Variants in ATP13A2 observed in about 807,000 individuals in gnomAD.
ATP13A2 encodes the protein ATPase cation transporting 13A2, also known as polyamine-transporting ATPase 13A2.
A neutral mutation model predicts 138.3 loss-of-function variants in ATP13A2; 83 were observed. That is an observed-to-expected ratio of 0.60 (90% CI 0.50 to 0.72). The LOEUF (loss-of-function observed/expected upper bound fraction) is 0.72, where lower values mean the gene tolerates loss of function less well. Ranked by LOEUF, ATP13A2 falls within the 30% of genes least tolerant of loss-of-function variation. The probability of loss-of-function intolerance (pLI) is 0.00; values close to 1 mark genes in which losing one functional copy is unlikely to be tolerated. For synonymous variants in ATP13A2, 663 were observed against 699.0 expected (o/e 0.95, Z 0.81); for missense variants, 1,402 against 1,606.4 (o/e 0.87, Z 2.17).
chr1:16,992,178 G>A (rs747299945), intron 18 of ATP13A2, 49 bp from the exon 19 acceptor site: 8 of 1,611,550 alleles, frequency 5.0e-6, no homozygotes, highest in Non-Finnish European at 6.8e-6. Context: ...AGGGACAGAG[G>A]CTGGGTACCC....
At chr1:16,994,756 G>A (rs577022178) in intron 15 of ATP13A2, among the ~76,000 whole-genome samples, 8 of 152,066 alleles carry the variant, frequency 5.3e-5, no homozygotes, top group South Asian at 2.1e-4. Context: ...TCTGCCTCCC[G>A]GGTTCAAGCG....
intron 25 of ATP13A2, among the ~76,000 whole-genome samples, chr1:16,987,512 G>T (rs1055477198): frequency 6.6e-6 from 1 of 152,168 alleles, no homozygotes; most frequent in Non-Finnish European, 1.5e-5. Context: ...CTGAGGGGAG[G>T]TTTCCCTCCC....
intron 11 of ATP13A2, among the ~76,000 whole-genome samples, chr1:16,997,415 G>GGC (rs1316094698): frequency 4.2e-5 from 5 of 120,000 alleles, no homozygotes; most frequent in African/African-American, 1.9e-4. Flanking sequence ...TGGAACCAGC[G>GGC]GGGGGGGGTG....
chr1:16,989,887 C>A lies in ATP13A2; in HGVS notation c.2529G>T (p.Lys843Asn). 1 of 1,606,052 alleles carries A rather than the reference C, an allele frequency of 6.2e-7. No homozygotes were observed. The highest frequency in any genetic ancestry group is 8.5e-7 in the Non-Finnish European group (1 of 1,176,076). The change falls in exon 22 of 29, where the codon AAG becomes AAT. Residue 843 changes from lysine to asparagine, a missense_variant and splice_region_variant. Physicochemically the swap from Lys to Asn is moderately conservative, Grantham distance 94. Transcript: ENST00000326735. Reference protein sequence around the residue: ...IVKHFPKLLPKVLVQGTVFAR... With the variant: ...IVKHFPKLLPNVLVQGTVFAR... ...GCCAGGGAGCTGGGGGCGGCCCTACCTTGGGCAGCAGCTTGGGGAAGTGCT... is the reference window on the plus strand; with the variant it reads ...GCCAGGGAGCTGGGGGCGGCCCTACATTGGGCAGCAGCTTGGGGAAGTGCT...
chr1:16,987,272 G>A lies in ATP13A2; in HGVS notation c.2860-3C>T. 6.2e-7 allele frequency: 1 copy of A among 1,613,452 alleles called. No individual in the cohort carries two copies. Reference sequence around the variant, plus strand: ...AGGTCACCCAGGTTGGTGTTGATCTGCCACAGGGAAGGGAGGACAGAGGGG... The same window carrying A: ...AGGTCACCCAGGTTGGTGTTGATCTACCACAGGGAAGGGAGGACAGAGGGG... On this transcript the variant is annotated splice_polypyrimidine_tract_variant and splice_region_variant and intron_variant, in intron 25 of 28. Coordinates refer to ENST00000326735, the MANE Select transcript of ATP13A2 (RefSeq NM_022089.4).
In ATP13A2 at chr1:17,004,775, C is replaced by T. The variant is rs200934541; in HGVS notation, c.394G>A (p.Ala132Thr). The T allele has an allele frequency of 9.3e-6, 15 of 1,614,048 alleles. No individual in the cohort carries two copies. The highest frequency in any genetic ancestry group is 1.6e-4 in the Middle Eastern group (1 of 6,062). Residue 132 changes from alanine (A) to threonine (T), a missense_variant, in exon 5 of 29, where the codon GCG (alanine) becomes ACG (threonine). Physicochemically the swap from Ala to Thr is moderately conservative, Grantham distance 58 (BLOSUM62 0). Transcript: ENST00000326735. This position sits in a 1 kb window ranked among gnomAD's most constrained non-coding sequence, Gnocchi z 4.1. ...CCCTCTGGTACCGCCCCAACTGCCGCCTGGCTCCGGCCATCCTCTGCCTGG... is the reference window on the plus strand; with the variant it reads ...CCCTCTGGTACCGCCCCAACTGCCGTCTGGCTCCGGCCATCCTCTGCCTGG... The part of the protein sequence containing the change: ...QSQAEDGRSQ[A>T]AVGAVPEGAW...
intron 20 of ATP13A2, 42 bp from the exon 21 acceptor site, chr1:16,990,329 G>A: frequency 6.2e-7 from 1 of 1,611,930 alleles, no homozygotes; most frequent in Non-Finnish European, 8.5e-7. Context: ...GGCTATCCGG[G>A]GAGGCCATCC....
Position 16,997,190 on chromosome 1 carries a change from G to A in ATP13A2, c.1040-15C>T. 1 of 1,613,194 alleles carries A rather than the reference G, an allele frequency of 6.2e-7. No individual in the cohort carries two copies. The highest frequency in any genetic ancestry group is 1.7e-5 in the Admixed American group (1 of 60,036). ...AATGCTCTCTCCTGGTGGGGAACGTGGTGTGAGGACCACTCCACACCCCTC... is the reference window on the plus strand; with the variant it reads ...AATGCTCTCTCCTGGTGGGGAACGTAGTGTGAGGACCACTCCACACCCCTC... On this transcript the variant is annotated splice_polypyrimidine_tract_variant and intron_variant, in intron 11 of 28. Coordinates refer to ENST00000326735, the MANE Select transcript of ATP13A2 (RefSeq NM_022089.4).
chr1:17,001,858 G>A (rs988070005), intron 8 of ATP13A2, among the ~76,000 whole-genome samples, 176 bp downstream of exon 8: 8 of 152,196 alleles, frequency 5.3e-5, no homozygotes, highest in African/African-American at 1.7e-4. Flanking sequence ...TCCAATTCCT[G>A]GACCTGGTCT....
chr1:17,008,969 A>C (rs555878856), intron 1 of ATP13A2, among the ~76,000 whole-genome samples: 17 of 151,316 alleles, frequency 1.1e-4, no homozygotes, highest in Admixed American at 2.0e-4. Flanking sequence ...AAAAAAAAAA[A>C]AAAAACCCTC....
At position 16,987,210 on chromosome 1, in the gene ATP13A2, T is replaced by C. The variant is rs149403933; in HGVS notation, c.2919A>G (p.Thr973=). The C allele has an allele frequency of 6.8e-6, 11 of 1,613,730 alleles. No homozygotes were observed. Among genetic ancestry groups the C allele is most frequent in the Non-Finnish European group, 9.3e-6 (11 of 1,179,846 alleles). Residue 973 remains threonine (T), a synonymous_variant, in exon 26 of 29, where the codon ACA becomes ACG. Transcript: ENST00000326735. ...CCGTGCGGCTCATGAGCACTGCCAC[T>C]GTGGTGGTGATGACCAGGTCGATGG... ...FLAIDLVITT[T]VAVLMSRTGP...
chr1:16,999,869 C>T, intron 11 of ATP13A2, 142 bp downstream of exon 11: 3 of 1,228,916 alleles, frequency 2.4e-6, no homozygotes, highest in Non-Finnish European at 3.3e-6. Context: ...TCACTGCACT[C>T]CAGCCTGGAC....
Position 17,004,921 on chromosome 1 carries a change from A to G in ATP13A2, c.347+93T>C. On this transcript the variant is annotated intron_variant, in intron 4 of 28. Transcript: ENST00000326735. The surrounding 1 kb of genome is among the most constrained non-coding windows in gnomAD (Gnocchi z 4.1). ...TTCCCTCCCTAGGATGGGAGGCGCC[A>G]GAGTCAGCCTTTATGGGGGGGCCGA... is the stretch of plus-strand genomic sequence containing the variant. 1 of 1,612,122 alleles carries G rather than the reference A, an allele frequency of 6.2e-7. No homozygotes were observed. The highest frequency in any genetic ancestry group is 8.5e-7 in the Non-Finnish European group (1 of 1,179,394).
At position 16,989,729 on chromosome 1, in the gene ATP13A2, C is replaced by T; in HGVS notation, c.2571G>A (p.Glu857=). 1.2e-6 allele frequency: 2 copies of T among 1,614,118 alleles called. No individual in the cohort carries two copies. The highest frequency in any genetic ancestry group is 1.6e-4 in the Middle Eastern group (1 of 6,062). The change falls in exon 23 of 29, where the codon GAG becomes GAA. Residue 857 remains glutamate (E), a synonymous_variant. Coordinates refer to ENST00000326735, the MANE Select transcript of ATP13A2 (RefSeq NM_022089.4). Reference sequence around the variant, plus strand: ...GCTCGCACACCAGCTCTGTCTTCTGCTCAGGGGCCATGCGGGCAAAGACAG... The same window carrying T: ...GCTCGCACACCAGCTCTGTCTTCTGTTCAGGGGCCATGCGGGCAAAGACAG... ...QGTVFARMAP[E]QKTELVCELQ...
rs2100883950 is a variant in ATP13A2, at chr1:16,996,142, A to G, written c.1376T>C (p.Ile459Thr). ...RNRVPLNEIV[I>T]RALDLVTVVV... ...CACGGTCACCAGGTCGAGAGCCCGG[A>G]TTACAATCTCATTCAGAGGCACCTG... is the stretch of plus-strand genomic sequence containing the variant. The change falls in exon 15 of 29, where the codon ATC becomes ACC. Residue 459 changes from isoleucine to threonine, a missense_variant. Coordinates refer to ENST00000326735, the MANE Select transcript of ATP13A2 (RefSeq NM_022089.4). 6.2e-7 allele frequency: 1 copy of G among 1,614,146 alleles called. No individual in the cohort carries two copies. Among genetic ancestry groups the G allele is most frequent in the South Asian group, 1.1e-5 (1 of 91,088 alleles).
intron 11 of ATP13A2, among the ~76,000 whole-genome samples, chr1:16,999,504 C>A (rs543620775): frequency 6.6e-6 from 1 of 151,792 alleles, no homozygotes; most frequent in South Asian, 2.1e-4. Flanking sequence ...GAGTGACTGA[C>A]AGCCATCTTA....
At chr1:16,999,034 C>T (rs1021846033) in intron 11 of ATP13A2, among the ~76,000 whole-genome samples, 1 of 152,080 alleles carries the variant, frequency 6.6e-6, no homozygotes, top group African/African-American at 2.4e-5. Context: ...GCTTCCCACT[C>T]TCCTGTGCCA....
rs1445777206 is a variant in ATP13A2 at position 16,986,723 on chromosome 1, C to T, written c.3235+82G>A. The T allele has an allele frequency of 1.3e-6, 2 of 1,574,842 alleles. No homozygotes were observed. Among genetic ancestry groups the T allele is most frequent in the Non-Finnish European group, 1.7e-6 (2 of 1,164,598 alleles). Reference sequence around the variant, plus strand: ...ACGCCAGTCTTCCACTCGGCCGGCACCTCTCTCCCATCTGCCTCCCCAGCA... The same window carrying T: ...ACGCCAGTCTTCCACTCGGCCGGCATCTCTCTCCCATCTGCCTCCCCAGCA... On this transcript the variant is annotated intron_variant, in intron 27 of 28. Transcript: ENST00000326735. The surrounding 1 kb of genome is among the most constrained non-coding windows in gnomAD (Gnocchi z 6.9).
chr1:17,000,264 C>T lies in ATP13A2; in HGVS notation c.889G>A (p.Val297Met), dbSNP rs771174890. 15 of 1,573,694 alleles carry T rather than the reference C, an allele frequency of 9.5e-6. No homozygotes were observed. Among genetic ancestry groups the T allele is most frequent in the African/African-American group, 2.7e-5 (2 of 73,960 alleles). ...DMVKLSMRVCVCRPGGEEEWV... is the reference protein window; with the variant it reads ...DMVKLSMRVCMCRPGGEEEWV... ...TCCTCACCTCCCCCTGGCCGGCACA[C>T]GCACACCCGCATGGACAACTTGACC... The change falls in exon 10 of 29, where the codon GTG (valine) becomes ATG (methionine). Residue 297 changes from valine to methionine, a missense_variant. Val to Met is a conservative substitution (Grantham distance 21). Transcript: ENST00000326735.
Sources: allele counts gnomAD v4.1 joint callset (sites outside exome capture counted in the v4.1 genomes callset), GRCh38; gene constraint gnomAD v4.1.1; non-coding constraint Gnocchi (gnomAD v3.1); transcripts MANE v1.5; gene names NCBI Gene and HGNC (gene_info 2026-07-23, HGNC 2026-07-21).